Variants in AMPH observed in about 807,000 individuals in gnomAD.
AMPH encodes amphiphysin, also known as amphiphysin (Stiff-Mann syndrome with breast cancer 128kD autoantigen).
A neutral mutation model predicts 99.1 loss-of-function variants in AMPH; 49 were observed. That is an observed-to-expected ratio of 0.49 (90% CI 0.39 to 0.63). AMPH has a LOEUF of 0.63. AMPH is among the 20% of genes least tolerant of loss of function. The pLI is 0.00. For synonymous variants in AMPH, 314 were observed against 317.3 expected, an observed-to-expected ratio of 0.99 and a Z score of 0.11; for missense variants, 759 against 863.4, an observed-to-expected ratio of 0.88 and a Z score of 1.52.
chr7:38,428,742 T>C, intron 14 of AMPH: 1 of 457,012 alleles, frequency 2.2e-6, no homozygotes, highest in Non-Finnish European at 4.4e-6. Context: ...TCCACAATTA[T>C]TGATTACCTT....
intron 11 of AMPH, among the ~76,000 whole-genome samples, chr7:38,459,475 C>T (rs981411317): frequency 6.6e-6 from 1 of 152,086 alleles, no homozygotes; most frequent in African/African-American, 2.4e-5. Context: ...ACCAAAACAG[C>T]ATGACATTGG....
chr7:38,489,107 A>G (rs1295388064), intron 5 of AMPH, among the ~76,000 whole-genome samples: 1 of 152,216 alleles, frequency 6.6e-6, no homozygotes, highest in African/African-American at 2.4e-5. Context: ...TACAAACCTC[A>G]GTAATTAAAA....
intron 5 of AMPH, among the ~76,000 whole-genome samples, chr7:38,482,768 G>C (rs531119158): frequency 1.3e-5 from 2 of 152,056 alleles, no homozygotes; most frequent in African/African-American, 4.8e-5. Context: ...AGCTGCTTTG[G>C]AATTTTCAGG....
At chr7:38,437,625 C>CAAAAAAAAAAAA (rs70977404) in intron 11 of AMPH, among the ~76,000 whole-genome samples, 13 of 94,758 alleles carry the variant, frequency 1.4e-4, no homozygotes, top group Non-Finnish European at 1.8e-4. Flanking sequence ...ACTAAAAATA[C>CAAAAAAAAAAAA]AAAAAAAAAA....
At chr7:38,547,337 CA>C (rs1326247370) in intron 1 of AMPH, among the ~76,000 whole-genome samples, 6 of 152,142 alleles carry the variant, frequency 3.9e-5, no homozygotes, top group Non-Finnish European at 7.3e-5. Flanking sequence ...TGAATTAAAA[CA>C]ATCCAACACA....
intron 11 of AMPH, among the ~76,000 whole-genome samples, chr7:38,439,658 A>C (rs2128997399): frequency 6.6e-6 from 1 of 152,324 alleles, no homozygotes; most frequent in East Asian, 1.9e-4. Flanking sequence ...CTTGATTGTA[A>C]GTACTGCTTT....
intron 19 of AMPH, among the ~76,000 whole-genome samples, chr7:38,390,517 T>C (rs7797187): frequency 0.73 from 111,627 of 152,118 alleles, 41,182 homozygotes; most frequent in Admixed American, 0.79. Context: ...ATCACTCTAC[T>C]GTCATGGCTG....
At chr7:38,501,523 A>G (rs1789135006) in intron 3 of AMPH, among the ~76,000 whole-genome samples, 2 of 152,176 alleles carry the variant, frequency 1.3e-5, no homozygotes, top group Non-Finnish European at 2.9e-5. Context: ...TGAAGATAAT[A>G]AAACTACCTG....
At chr7:38,407,595 C>T (rs1299569836) in intron 17 of AMPH, among the ~76,000 whole-genome samples, 1 of 151,548 alleles carries the variant, frequency 6.6e-6, no homozygotes, top group Non-Finnish European at 1.5e-5. Flanking sequence ...TGCACATGTA[C>T]CCTCTGGATC....
At chr7:38,445,010 T>TATATATATATATATATATATACACAC (rs1458295332) in intron 11 of AMPH, among the ~76,000 whole-genome samples, 2 of 125,984 alleles carry the variant, frequency 1.6e-5, no homozygotes, top group South Asian at 2.8e-4. Context: ...TATATATATA[T>TATATATATATATATATATATACACAC]ACACACACAC....
chr7:38,517,657 C>T (rs1424871812), intron 2 of AMPH, among the ~76,000 whole-genome samples: 1 of 152,134 alleles, frequency 6.6e-6, no homozygotes, highest in Admixed American at 6.5e-5. Flanking sequence ...ATTCAGGTTG[C>T]TGTGTGGTTA....
chr7:38,622,256 T>C (rs921818677), intron 1 of AMPH, among the ~76,000 whole-genome samples: 4 of 152,168 alleles, frequency 2.6e-5, no homozygotes, highest in African/African-American at 9.7e-5. Flanking sequence ...TAGAAAGTCT[T>C]TTAAAATTGT....
At chr7:38,517,315 C>T (rs1168047062) in intron 2 of AMPH, among the ~76,000 whole-genome samples, 1 of 152,168 alleles carries the variant, frequency 6.6e-6, no homozygotes. Context: ...GGGTGGACTT[C>T]CCCCTTGCCA....
intron 17 of AMPH, among the ~76,000 whole-genome samples, chr7:38,397,200 T>C (rs148801082): frequency 2.6e-4 from 40 of 152,362 alleles, no homozygotes; most frequent in African/African-American, 9.6e-4. Context: ...ATAAATCCTT[T>C]TATACATATA....
chr7:38,498,782 C>T (rs944873488), intron 3 of AMPH, among the ~76,000 whole-genome samples: 1 of 152,310 alleles, frequency 6.6e-6, no homozygotes, highest in South Asian at 2.1e-4. Context: ...CTAACAATGA[C>T]TCTCCTGTCT....
At chr7:38,458,870 C>A (rs1787334060) in intron 11 of AMPH, among the ~76,000 whole-genome samples, 1 of 152,012 alleles carries the variant, frequency 6.6e-6, no homozygotes, top group Non-Finnish European at 1.5e-5. Flanking sequence ...CTAGCCAGAG[C>A]AATCAGGCAA....
At chr7:38,533,254 TTC>T (rs1691870929) in intron 2 of AMPH, among the ~76,000 whole-genome samples, 1 of 152,230 alleles carries the variant, frequency 6.6e-6, no homozygotes, top group African/African-American at 2.4e-5. Flanking sequence ...TCTCTAGGAA[TTC>T]TCTTTTCTAC....
At chr7:38,627,688 T>C (rs1357920440) in intron 1 of AMPH, among the ~76,000 whole-genome samples, 1 of 149,592 alleles carries the variant, frequency 6.7e-6, no homozygotes, top group Admixed American at 6.6e-5. Context: ...AGGAAAGATA[T>C]GGTCTGCATA....
At chr7:38,626,871 G>A (rs6973630) in intron 1 of AMPH, among the ~76,000 whole-genome samples, 83,043 of 152,016 alleles carry the variant, frequency 0.55, 23,230 homozygotes, top group Non-Finnish European at 0.58. Context: ...AGGATATACA[G>A]TTTTTCATGA....
Sources: allele counts gnomAD v4.1 joint callset (sites outside exome capture counted in the v4.1 genomes callset), GRCh38; gene constraint gnomAD v4.1.1; transcripts MANE v1.5; gene names NCBI Gene and HGNC (gene_info 2026-07-23, HGNC 2026-07-21).